TTBK2: variants seen among roughly 807,000 people sequenced by gnomAD.
TTBK2 encodes the protein tau tubulin kinase 2.
In TTBK2, 28 loss-of-function variants were observed where a neutral mutation model predicts 110.8. The observed-to-expected ratio is 0.25, with a 90% CI of 0.19 to 0.35. The LOEUF (loss-of-function observed/expected upper bound fraction) is 0.35. Ranked by LOEUF, TTBK2 falls within the 10% of genes least tolerant of loss-of-function variation. The pLI is 1.00. For missense variants in TTBK2, 1,369 were observed against 1,500.3 expected, an observed-to-expected ratio of 0.91 and a Z score of 1.45; for synonymous variants, 532 against 527.3, an observed-to-expected ratio of 1.01 and a Z score of -0.12.
chr15:42,767,987 C>T (rs982049624), intron 13 of TTBK2, among the ~76,000 whole-genome samples: 17 of 152,190 alleles, frequency 1.1e-4, no homozygotes, highest in Non-Finnish European at 2.4e-4. Flanking sequence ...TAATTCATCA[C>T]ATAAACAGAA....
Position 42,744,690 on chromosome 15 carries a change from G to T in TTBK2, c.*1105C>A, listed in dbSNP as rs560041206. 6.6e-6 allele frequency: 1 copy of T among 152,226 alleles called. No individual in the cohort carries two copies. The highest frequency in any genetic ancestry group is 2.1e-4 in the South Asian group (1 of 4,818). 9.4% of individuals were successfully genotyped at this position (152,226 alleles called of 1,614,324 possible). ...ATAAAACATTAAAAAAGAAATATTTGCCTAAATTTATTTCCCCAGATATTA... is the reference window on the plus strand; with the variant it reads ...ATAAAACATTAAAAAAGAAATATTTTCCTAAATTTATTTCCCCAGATATTA... On this transcript the variant is annotated 3_prime_UTR_variant, in exon 15 of 15. Transcript: ENST00000267890.
chr15:42,872,749 T>TA lies in TTBK2; in HGVS notation c.78_79insT (p.Ile27TyrfsTer53). 1 of 1,613,874 alleles carries TA rather than the reference T, an allele frequency of 6.2e-7. No individual in the cohort carries two copies. On this transcript the variant is annotated frameshift_variant, in exon 3 of 15. Transcript: ENST00000267890. LOFTEE classifies it high-confidence loss of function. ...ATTTCTCCAAAGCCCCCACCCCCAA[T>TA]CTTTCTCAACTGCACAGAAAATAAG...
intron 9 of TTBK2, chr15:42,798,198 A>G (rs1216743286): frequency 1.5e-5 from 7 of 455,810 alleles, no homozygotes; most frequent in African/African-American, 1.4e-4. Flanking sequence ...ATTCTTTTTT[A>G]TATCCCAATG....
At chr15:42,893,550 C>G (rs1895547746) in intron 1 of TTBK2, among the ~76,000 whole-genome samples, 1 of 150,796 alleles carries the variant, frequency 6.6e-6, no homozygotes, top group Admixed American at 6.6e-5. Flanking sequence ...ACGGAAGTTT[C>G]AAATTAAAAC....
chr15:42,896,480 C>T (rs530486625), intron 1 of TTBK2, among the ~76,000 whole-genome samples: 2 of 152,080 alleles, frequency 1.3e-5, no homozygotes, highest in East Asian at 1.9e-4. Flanking sequence ...GTATCACAGA[C>T]CTAAATGTAA....
At chr15:42,807,900 C>T (rs1891543092) in intron 9 of TTBK2, among the ~76,000 whole-genome samples, 2 of 152,022 alleles carry the variant, frequency 1.3e-5, no homozygotes, top group African/African-American at 2.4e-5. Context: ...TTCTTGTATT[C>T]TCTGTGTAGG....
rs527538377 is a variant in TTBK2 at position 42,884,551 on chromosome 15, T to C, written c.-67-5867A>G. On this transcript the variant is annotated intron_variant, in intron 1 of 14. Transcript: ENST00000267890. The stretch of plus-strand genomic sequence containing the variant: ...TGGGATTTTGTTAATGAGGTGACTT[T>C]AGGAAACCTTTAAAGATAGACGGCT... 3.9e-5 allele frequency among the ~76,000 whole-genome samples: 6 copies of C among 152,292 alleles called. No homozygotes were observed. In the South Asian group the frequency reaches 1.2e-3, roughly 32 times the overall value.
At chr15:42,820,362 T>G (rs1318602057) in intron 6 of TTBK2, among the ~76,000 whole-genome samples, 1 of 152,136 alleles carries the variant, frequency 6.6e-6, no homozygotes, top group Non-Finnish European at 1.5e-5. Flanking sequence ...ATTAGTTCCA[T>G]GTAGTAGGAG....
intron 3 of TTBK2, among the ~76,000 whole-genome samples, chr15:42,860,440 G>GAACAAC (rs150068893): frequency 1.3e-3 from 200 of 151,518 alleles, no homozygotes; most frequent in African/African-American, 4.7e-3. Context: ...ACCTATAGAG[G>GAACAAC]AACAACAACA....
chr15:42,816,356 C>T (rs1227336560), intron 7 of TTBK2, among the ~76,000 whole-genome samples: 1 of 151,022 alleles, frequency 6.6e-6, no homozygotes, highest in Non-Finnish European at 1.5e-5. Context: ...ACCTTGTGAT[C>T]TGCTCACCTC....
chr15:42,907,392 A>G (rs2030468795), intron 1 of TTBK2, among the ~76,000 whole-genome samples: 1 of 152,240 alleles, frequency 6.6e-6, no homozygotes, highest in South Asian at 2.1e-4. Context: ...TGTTTATTGC[A>G]GCACTATTAA....
intron 3 of TTBK2, among the ~76,000 whole-genome samples, chr15:42,867,648 A>G (rs1029859562): frequency 5.3e-5 from 8 of 152,244 alleles, no homozygotes; most frequent in African/African-American, 1.9e-4. Context: ...CTACACACCT[A>G]TCTGATGGCC....
In TTBK2 at chr15:42,761,287, A is replaced by G. The variant is rs190214902; in HGVS notation, c.1999-8040T>C. On this transcript the variant is annotated intron_variant, in intron 13 of 14. Coordinates refer to ENST00000267890, the MANE Select transcript of TTBK2 (RefSeq NM_173500.4). ...ACTGGTCTAGGAAAATACTTTATGA[A>G]TAAGACCTCAAAAGCACAGGCAACA... is the stretch of plus-strand genomic sequence containing the variant. 1.6e-4 allele frequency among the ~76,000 whole-genome samples: 24 copies of G among 152,372 alleles called. No individual in the cohort carries two copies. The East Asian group carries it at 4.4e-3, about 28-fold the overall frequency.
intron 3 of TTBK2, among the ~76,000 whole-genome samples, chr15:42,871,887 T>C (rs1180515691): frequency 6.6e-6 from 1 of 152,158 alleles, no homozygotes; most frequent in Non-Finnish European, 1.5e-5. Context: ...TTGGATACGC[T>C]TGGGGCAAAG....
At chr15:42,833,315 G>C (rs888205186) in intron 4 of TTBK2, among the ~76,000 whole-genome samples, 10 of 143,332 alleles carry the variant, frequency 7.0e-5, no homozygotes, top group African/African-American at 2.6e-4. Flanking sequence ...AAAGAAGCAA[G>C]TTCATTTCTC....
At chr15:42,899,841 G>A (rs1487620293) in intron 1 of TTBK2, among the ~76,000 whole-genome samples, 6 of 151,438 alleles carry the variant, frequency 4.0e-5, no homozygotes, top group Non-Finnish European at 7.4e-5. Context: ...GGCGGAGGTT[G>A]CAGTGAGCCA....
At chr15:42,793,970 T>C (rs902534192) in intron 10 of TTBK2, among the ~76,000 whole-genome samples, 18 of 151,730 alleles carry the variant, frequency 1.2e-4, no homozygotes, top group Non-Finnish European at 2.7e-4. Context: ...GGCTAGAGTG[T>C]AGTGGCACAA....
chr15:42,893,838 T>C (rs944305979), intron 1 of TTBK2, among the ~76,000 whole-genome samples: 1 of 152,142 alleles, frequency 6.6e-6, no homozygotes, highest in Non-Finnish European at 1.5e-5. Context: ...GGAAACATAA[T>C]GAACAACATT....
At chr15:42,759,375 G>A (rs961723178) in intron 13 of TTBK2, among the ~76,000 whole-genome samples, 2 of 152,280 alleles carry the variant, frequency 1.3e-5, no homozygotes, top group East Asian at 1.9e-4. Context: ...CCAGCTGAGC[G>A]GCTGCATACC....
Sources: gnomAD v4.1 joint callset for allele counts (sites outside exome capture counted in the v4.1 genomes callset) on GRCh38, gnomAD v4.1.1 for gene constraint, MANE v1.5 for transcripts, NCBI Gene and HGNC (gene_info 2026-07-23, HGNC 2026-07-21) for gene names.